Variants in SH2B1 observed in about 807,000 individuals in gnomAD.
SH2B1 encodes SH2B adaptor protein 1, also known as SH2B adapter protein 1.
A neutral mutation model predicts 62.6 loss-of-function variants in SH2B1; 15 were observed. That is an observed-to-expected ratio of 0.24 (90% CI 0.16 to 0.37). SH2B1 has a LOEUF of 0.37. SH2B1 is among the 10% of genes least tolerant of loss of function. SH2B1 has a pLI of 1.00. For synonymous variants in SH2B1, 443 were observed against 438.0 expected (o/e 1.01, Z -0.14); for missense variants, 925 against 1,015.6 (o/e 0.91, Z 1.21).
Position 28,864,695 on chromosome 16 carries a change from A to G in SH2B1, c.-1400A>G. On this transcript the variant is annotated 5_prime_UTR_variant, in exon 1 of 8. Coordinates refer to ENST00000684370, the MANE Select transcript of SH2B1 (RefSeq NM_001387430.1). The stretch of plus-strand genomic sequence containing the variant: ...CCTTCCAGTATTGCGTGGCGGGAGG[A>G]GCGCTAACAAGAGCCAAGGGTTGTA... 1 of 982,964 alleles carries G rather than the reference A, an allele frequency of 1.0e-6. No homozygotes were observed. Among genetic ancestry groups the G allele is most frequent in the Non-Finnish European group, 1.2e-6 (1 of 827,976 alleles). 60.9% of individuals were successfully genotyped at this position (982,964 alleles called of 1,614,324 possible). A position where few individuals can be genotyped will look rare whatever the true frequency, so the allele number is the denominator to read the frequency against.
At position 28,869,570 on chromosome 16, in the gene SH2B1, T is replaced by C. The variant is rs544369729; in HGVS notation, c.1309+187T>C. ...AGCCACAGTTTGCTGTTTAGAATAA[T>C]CATGACCCCACGCAGGCCCCAAGCA... is the stretch of plus-strand genomic sequence containing the variant. On this transcript the variant is annotated intron_variant, in intron 4 of 7. Coordinates refer to ENST00000684370, the MANE Select transcript of SH2B1 (RefSeq NM_001387430.1). Among the ~76,000 whole-genome samples, 188 of 152,174 alleles carry C rather than the reference T, an allele frequency of 1.2e-3. 1 individual carries two copies. The highest frequency in any genetic ancestry group is 4.3e-3 in the African/African-American group (178 of 41,514).
chr16:28,865,884 G>C lies in SH2B1; in HGVS notation c.-211G>C, dbSNP rs77930625. On this transcript the variant is annotated 5_prime_UTR_variant, in exon 1 of 8. Coordinates refer to ENST00000684370, the MANE Select transcript of SH2B1 (RefSeq NM_001387430.1). ...TCTGGGAGAGGGAAGGGAGGTGTTG[G>C]GCTCCCTTCCCCATTGCTCTCTGCG... 1.4e-3 allele frequency: 1,924 copies of C among 1,349,596 alleles called. 18 individuals are homozygous for C. The African/African-American group carries it at 0.024, about 17-fold the overall frequency. The allele number at this position is 1,349,596 out of a possible 1,614,324, so 83.6% of individuals were successfully genotyped here. A position where few individuals can be genotyped will look rare whatever the true frequency, so the allele number is the denominator to read the frequency against.
chr16:28,861,602 T>C (rs1962447578), upstream of SH2B1: 1 of 151,328 alleles, frequency 6.6e-6, no homozygotes, highest in African/African-American at 2.4e-5. Context: ...CTGGCTAATT[T>C]TTTTTGTATT....
intron 4 of SH2B1, 136 bp from the exon 5 acceptor site, chr16:28,871,643 GT>G (rs1963042541): frequency 1.4e-6 from 1 of 703,704 alleles, no homozygotes; most frequent in Non-Finnish European, 2.5e-6. Context: ...AGCATCAGGG[GT>G]CACTACCCAC....
chr16:28,862,521 A>G (rs1962479775), upstream of SH2B1: 1 of 150,270 alleles, frequency 6.7e-6, no homozygotes, highest in Non-Finnish European at 1.5e-5. Flanking sequence ...GCTGGTCTCA[A>G]ACTCCTGACC....
intron 1 of SH2B1, among the ~76,000 whole-genome samples, chr16:28,857,771 G>A (rs531594096): frequency 5.1e-4 from 75 of 147,862 alleles, no homozygotes; most frequent in African/African-American, 1.7e-3. Flanking sequence ...ACGGAGTCTC[G>A]CTCTGTTGCC....
In SH2B1 at chr16:28,865,694, T is replaced by A. The variant is rs1458442508; in HGVS notation, c.-401T>A. Reference sequence around the variant, plus strand: ...GTGACATGAATATTGGAGGATCCGATGTAGAGGGGGGGTGATCTGGAAAAG... The same window carrying A: ...GTGACATGAATATTGGAGGATCCGAAGTAGAGGGGGGGTGATCTGGAAAAG... On this transcript the variant is annotated 5_prime_UTR_variant, in exon 1 of 8. The change abolishes an upstream ATG in the 5' untranslated region. Coordinates refer to ENST00000684370, the MANE Select transcript of SH2B1 (RefSeq NM_001387430.1). 2 of 1,010,068 alleles carry A rather than the reference T, an allele frequency of 2.0e-6. No homozygotes were observed. The highest frequency in any genetic ancestry group is 3.4e-5 in the African/African-American group (2 of 58,040). 62.6% of individuals were successfully genotyped at this position (1,010,068 alleles called of 1,614,324 possible).
At chr16:28,846,623 G>A, upstream of SH2B1, 1 of 351,062 alleles carries the variant, frequency 2.8e-6, no homozygotes, top group Non-Finnish European at 5.3e-6. Flanking sequence ...TTCTCAGGTC[G>A]GCGGGCTGTG....
upstream of SH2B1, chr16:28,863,319 G>C: frequency 4.9e-6 from 1 of 202,244 alleles, no homozygotes; most frequent in South Asian, 8.6e-5. Flanking sequence ...TGGACCGCCT[G>C]CCCCTTTCCT....
rs1963134018 is a variant in SH2B1 at position 28,873,099 on chromosome 16, T to C, written c.1898-348T>C. 7.0e-6 allele frequency: 7 copies of C among 995,412 alleles called. No homozygotes were observed. Among genetic ancestry groups the C allele is most frequent in the Non-Finnish European group, 1.0e-5 (7 of 684,070 alleles). 61.7% of individuals were successfully genotyped at this position (995,412 alleles called of 1,614,324 possible). A position where few individuals can be genotyped will look rare whatever the true frequency, so the allele number is the denominator to read the frequency against. On this transcript the variant is annotated intron_variant, in intron 7 of 7. Transcript: ENST00000684370. The surrounding 1 kb of genome is among the most constrained non-coding windows in gnomAD (Gnocchi z 4.2). ...CCTTCCCTCCTCCCTCAATGTCTCA[T>C]GTCCCTGTCTGATCTCTCCCTTTCC... is the stretch of plus-strand genomic sequence containing the variant.
rs749868603 is a variant in SH2B1, at chr16:28,870,615, A to G, written c.1310-1165A>G. On this transcript the variant is annotated intron_variant, in intron 4 of 7. Coordinates refer to ENST00000684370, the MANE Select transcript of SH2B1 (RefSeq NM_001387430.1). ...TCTTAAGAGTTAGGGGCTTTGTCCTATAGTTCAACAAAGGACACCTTTTTT... is the reference window on the plus strand; with the variant it reads ...TCTTAAGAGTTAGGGGCTTTGTCCTGTAGTTCAACAAAGGACACCTTTTTT... Among the ~76,000 whole-genome samples the G allele has an allele frequency of 5.9e-5, 9 of 151,974 alleles. No individual in the cohort carries two copies. The East Asian group carries it at 1.3e-3, about 23-fold the overall frequency.
intron 1 of SH2B1, among the ~76,000 whole-genome samples, chr16:28,849,632 A>G (rs1962054082): frequency 6.6e-6 from 1 of 152,156 alleles, no homozygotes; most frequent in Non-Finnish European, 1.5e-5. Context: ...TTTGGTAGAT[A>G]ATATTATGGA....
In SH2B1 at chr16:28,852,770, T is replaced by TTA. The variant is rs1226624823; in HGVS notation, c.-301+5953_-301+5954dup. Among the ~76,000 whole-genome samples the TTA allele has an allele frequency of 1.7e-4, 10 of 60,474 alleles. 2 individuals carry two copies. Among genetic ancestry groups the TTA allele is most frequent in the East Asian group, 1.5e-3 (3 of 1,954 alleles). The allele number at this position is 60,474 out of a possible 152,430, so 39.7% of individuals were successfully genotyped here. ...TTTACATATATATGTATATATATATTTATATATATATTTACATATATATTT... is the reference window on the plus strand; with the variant it reads ...TTTACATATATATGTATATATATATTTATATATATATATTTACATATATATTT... On this transcript the variant is annotated intron_variant, in intron 1 of 10. Transcript: ENST00000322610.
Position 28,866,375 on chromosome 16 carries a change from C to T in SH2B1, c.281C>T (p.Pro94Leu). ...SGSLSPPILA[P>L]LSPGAEISPH... Reference sequence around the variant, plus strand: ...TCCCTGTCGCCACCCATCCTGGCTCCCCTGAGCCCTGGTGCGGAGATTTCG... The same window carrying T: ...TCCCTGTCGCCACCCATCCTGGCTCTCCTGAGCCCTGGTGCGGAGATTTCG... The change falls in exon 1 of 8, where the codon CCC becomes CTC. Residue 94 changes from proline to leucine, a missense_variant. Pro to Leu is a moderately conservative substitution (Grantham distance 98). Coordinates refer to ENST00000684370, the MANE Select transcript of SH2B1 (RefSeq NM_001387430.1). This position sits in a 1 kb window ranked among gnomAD's most constrained non-coding sequence, Gnocchi z 6.3. 6.2e-7 allele frequency: 1 copy of T among 1,613,564 alleles called. No individual in the cohort carries two copies. The highest frequency in any genetic ancestry group is 8.5e-7 in the Non-Finnish European group (1 of 1,180,004).
In SH2B1 at chr16:28,852,194, ATT is replaced by A. The variant is rs1471511866; in HGVS notation, c.-301+5369_-301+5370del. ...CGTATCCAAAAATATATATATTTTT[ATT>A]TATATATTTACATATATATATTTAC... On this transcript the variant is annotated intron_variant, in intron 1 of 10. Transcript: ENST00000322610. Among the ~76,000 whole-genome samples the A allele has an allele frequency of 3.7e-4, 48 of 129,466 alleles. 1 individual carries two copies. Among genetic ancestry groups the A allele is most frequent in the Non-Finnish European group, 6.2e-4 (40 of 64,192 alleles). The allele number at this position is 129,466 out of a possible 152,430, so 84.9% of individuals were successfully genotyped here. A position where few individuals can be genotyped will look rare whatever the true frequency, so the allele number is the denominator to read the frequency against.
chr16:28,867,102 A>C (rs2152177825), intron 1 of SH2B1, 69 bp downstream of exon 1: 2 of 1,588,404 alleles, frequency 1.3e-6, no homozygotes, highest in East Asian at 2.2e-5. Flanking sequence ...ACAGCCCTGC[A>C]GATAAGCTCT....
Position 28,852,963 on chromosome 16 carries a change from A to ATATATATGTACATATATATTT in SH2B1, c.-301+6142_-301+6162dup, listed in dbSNP as rs1491293028. 8.6e-4 allele frequency among the ~76,000 whole-genome samples: 39 copies of ATATATATGTACATATATATTT among 45,504 alleles called. 5 individuals are homozygous for ATATATATGTACATATATATTT. The highest frequency in any genetic ancestry group is 1.5e-3 in the Non-Finnish European group (32 of 21,930). The allele number at this position is 45,504 out of a possible 152,430, so 29.9% of individuals were successfully genotyped here. On this transcript the variant is annotated intron_variant, in intron 1 of 10. Coordinates refer to the SH2B1 transcript ENST00000322610. ...GTACATATATATTTTATATATGTACATATATATGTACATATATATTTTATA... is the reference window on the plus strand; with the variant it reads ...GTACATATATATTTTATATATGTACATATATATGTACATATATATTTTATATATGTACATATATATTTTATA...
In SH2B1 at chr16:28,871,658, G is replaced by T; in HGVS notation, c.1310-122G>T. On this transcript the variant is annotated intron_variant, in intron 4 of 7. Coordinates refer to ENST00000684370, the MANE Select transcript of SH2B1 (RefSeq NM_001387430.1). The stretch of plus-strand genomic sequence containing the variant: ...AGCATCAGGGGTCACTACCCACAGA[G>T]CTGTTTGGCATCTTGGCCAGCGACT... The T allele has an allele frequency of 4.0e-6, 3 of 754,176 alleles. No individual in the cohort carries two copies. The South Asian group carries it at 4.4e-5, about 11-fold the overall frequency. The allele number at this position is 754,176 out of a possible 1,614,324, so 46.7% of individuals were successfully genotyped here.
Position 28,865,024 on chromosome 16 carries a change from G to A in SH2B1, c.-1071G>A, listed in dbSNP as rs1254021595. 1 of 898,162 alleles carries A rather than the reference G, an allele frequency of 1.1e-6. No individual in the cohort carries two copies. The highest frequency in any genetic ancestry group is 1.3e-6 in the Non-Finnish European group (1 of 750,456). The allele number at this position is 898,162 out of a possible 1,614,324, so 55.6% of individuals were successfully genotyped here. ...ATCGCTCATAAGGTGGCTGGACTGG[G>A]TGCTCATAAGGTGGTTTGAGCCCTG... On this transcript the variant is annotated 5_prime_UTR_variant, in exon 1 of 8. The change creates a new upstream start codon in the 5' untranslated region. Transcript: ENST00000684370.
Sources: allele counts gnomAD v4.1 joint callset (sites outside exome capture counted in the v4.1 genomes callset), GRCh38; gene constraint gnomAD v4.1.1; non-coding constraint Gnocchi (gnomAD v3.1); transcripts MANE v1.5; gene names NCBI Gene and HGNC (gene_info 2026-07-23, HGNC 2026-07-21).